Variants in TMEM51 observed in about 807,000 individuals in gnomAD.
TMEM51 encodes the protein transmembrane protein 51.
Under a neutral mutation model 13.6 loss-of-function variants are expected in TMEM51, and 8 were observed. The observed-to-expected ratio is 0.59, with a 90% CI of 0.35 to 1.07. TMEM51 has a LOEUF of 1.07. TMEM51 is among the 50% of genes least tolerant of loss of function. TMEM51 has a pLI of 0.02. For missense variants in TMEM51, 279 were observed against 330.7 expected (o/e 0.84, Z 1.21); for synonymous variants, 147 against 144.4 (o/e 1.02, Z -0.13).
At chr1:15,168,614 A>G (rs78615461) in intron 1 of TMEM51, 249,075 of 1,304,264 alleles carry the variant, frequency 0.19, 25,214 homozygotes, top group African/African-American at 0.34. Context: ...CGAAGGCCAT[A>G]GAGTTCTTCA....
chr1:15,180,441 G>A (rs578256523), intron 1 of TMEM51, among the ~76,000 whole-genome samples: 112 of 152,284 alleles, frequency 7.4e-4, no homozygotes, highest in African/African-American at 2.6e-3. Flanking sequence ...ATTGGGCGTC[G>A]GGCAGAACCA....
intron 1 of TMEM51, among the ~76,000 whole-genome samples, chr1:15,209,480 G>T (rs933158220): frequency 6.6e-6 from 1 of 152,106 alleles, no homozygotes. Context: ...GCAACATATT[G>T]TTTGGTTTTG....
intron 1 of TMEM51, among the ~76,000 whole-genome samples, chr1:15,177,222 C>T (rs943122162): frequency 1.2e-4 from 18 of 152,134 alleles, no homozygotes; most frequent in African/African-American, 4.3e-4. Flanking sequence ...CTCCATATTA[C>T]ATAAAATAAA....
At chr1:15,156,389 G>C (rs1321531338) in intron 1 of TMEM51, among the ~76,000 whole-genome samples, 1 of 152,230 alleles carries the variant, frequency 6.6e-6, no homozygotes, top group Non-Finnish European at 1.5e-5. Flanking sequence ...GGCTTCTTGG[G>C]CTGGAAGAGG....
At position 15,220,256 on chromosome 1, in the gene TMEM51, G is replaced by A. The variant is rs944734472; in HGVS notation, c.*513G>A. On this transcript the variant is annotated 3_prime_UTR_variant, in exon 4 of 4. Coordinates refer to ENST00000376008, the MANE Select transcript of TMEM51 (RefSeq NM_001136218.2). ...TGAACTAAGCGGTGAGGCTCAGGTG[G>A]CGGCTCTCGCAGAGCCCCTGATGCT... The A allele has an allele frequency of 5.1e-5, 8 of 157,172 alleles. No homozygotes were observed. Among genetic ancestry groups the A allele is most frequent in the Non-Finnish European group, 1.1e-4 (8 of 70,910 alleles). The allele number at this position is 157,172 out of a possible 1,614,324, so 9.7% of individuals were successfully genotyped here. A position where few individuals can be genotyped will look rare whatever the true frequency, so the allele number is the denominator to read the frequency against.
chr1:15,165,304 T>A (rs1642956270), intron 1 of TMEM51, among the ~76,000 whole-genome samples: 1 of 151,000 alleles, frequency 6.6e-6, no homozygotes, highest in African/African-American at 2.4e-5. Flanking sequence ...TGACCCTGTC[T>A]CAAAAAAAAG....
chr1:15,186,350 G>A (rs991588307), intron 1 of TMEM51, among the ~76,000 whole-genome samples: 1 of 152,228 alleles, frequency 6.6e-6, no homozygotes, highest in Non-Finnish European at 1.5e-5. Flanking sequence ...AAGGAAGCCT[G>A]GTGGGTACAG....
chr1:15,168,700 C>T (rs1643122648), intron 1 of TMEM51: 1 of 1,304,412 alleles, frequency 7.7e-7, no homozygotes, highest in Non-Finnish European at 1.0e-6. Flanking sequence ...CGTACTGTCT[C>T]TCCCAGGGTG....
intron 1 of TMEM51, among the ~76,000 whole-genome samples, chr1:15,205,221 TTG>T (rs1644227751): frequency 6.6e-6 from 1 of 152,206 alleles, no homozygotes; most frequent in Non-Finnish European, 1.5e-5. Flanking sequence ...CAAGATGAAC[TTG>T]TCTTCCTTAA....
intron 1 of TMEM51, among the ~76,000 whole-genome samples, chr1:15,164,810 T>A (rs1642930660): frequency 1.1e-5 from 1 of 88,096 alleles, no homozygotes; most frequent in African/African-American, 5.4e-5. Flanking sequence ...TTTTTTCCTT[T>A]TTTTTTTTTT....
intron 1 of TMEM51, among the ~76,000 whole-genome samples, chr1:15,175,605 A>T (rs1488385285): frequency 6.6e-6 from 1 of 152,222 alleles, no homozygotes; most frequent in Non-Finnish European, 1.5e-5. Flanking sequence ...AAAGAGGTTT[A>T]ATTGACTCAC....
At position 15,214,920 on chromosome 1, in the gene TMEM51, G is replaced by A. The variant is rs1434612979; in HGVS notation, c.-168G>A. 10 of 656,082 alleles carry A rather than the reference G, an allele frequency of 1.5e-5. No individual in the cohort carries two copies. Among genetic ancestry groups the A allele is most frequent in the Non-Finnish European group, 2.3e-5 (9 of 391,808 alleles). 40.6% of individuals were successfully genotyped at this position (656,082 alleles called of 1,614,324 possible). On this transcript the variant is annotated 5_prime_UTR_variant, in exon 3 of 4. Coordinates refer to ENST00000376008, the MANE Select transcript of TMEM51 (RefSeq NM_001136218.2). ...GCCCTTCCACCGCAGCCATCCGCAC[G>A]GGAGGCCTCGCGATTGCTCGGAACC...
chr1:15,208,735 T>C (rs1036890220), intron 1 of TMEM51, among the ~76,000 whole-genome samples: 1 of 152,080 alleles, frequency 6.6e-6, no homozygotes, highest in Middle Eastern at 3.4e-3. Context: ...TAGGAAGTAG[T>C]TGGTGCCAAT....
intron 1 of TMEM51, among the ~76,000 whole-genome samples, chr1:15,169,947 TTC>T (rs1245081158): frequency 6.6e-6 from 1 of 152,232 alleles, no homozygotes; most frequent in Non-Finnish European, 1.5e-5. Flanking sequence ...AACCTGTACT[TTC>T]TGAGTTTCCC....
At chr1:15,180,141 G>A (rs1414565703) in intron 1 of TMEM51, among the ~76,000 whole-genome samples, 4 of 152,210 alleles carry the variant, frequency 2.6e-5, no homozygotes, top group African/African-American at 7.2e-5. Context: ...AGCCTGCGGT[G>A]GGCACCACCA....
chr1:15,167,587 GTTTATC>G (rs1643069169), intron 1 of TMEM51, among the ~76,000 whole-genome samples: 2 of 152,288 alleles, frequency 1.3e-5, no homozygotes, highest in South Asian at 2.1e-4. Flanking sequence ...GTGAGTGTAT[GTTTATC>G]TTTATATGAA....
intron 3 of TMEM51, 98 bp from the exon 4 acceptor site, chr1:15,219,228 A>G: frequency 7.7e-7 from 1 of 1,301,076 alleles, no homozygotes; most frequent in Non-Finnish European, 1.1e-6. Flanking sequence ...GTTATTTACA[A>G]GGCTGCTGTG....
chr1:15,155,622 C>T (rs534513878), intron 1 of TMEM51, among the ~76,000 whole-genome samples: 4 of 152,082 alleles, frequency 2.6e-5, no homozygotes, highest in African/African-American at 4.8e-5. Flanking sequence ...CTGGGCAGAT[C>T]GAACAGCACA....
intron 1 of TMEM51, among the ~76,000 whole-genome samples, chr1:15,155,091 A>C (rs1473587816): frequency 6.6e-6 from 1 of 152,156 alleles, no homozygotes; most frequent in East Asian, 1.9e-4. Context: ...GAGGATCCTG[A>C]CCTATTGGGA....
Sources: gnomAD v4.1 joint callset for allele counts (sites outside exome capture counted in the v4.1 genomes callset) on GRCh38, gnomAD v4.1.1 for gene constraint, MANE v1.5 for transcripts, NCBI Gene and HGNC (gene_info 2026-07-23, HGNC 2026-07-21) for gene names.